The following SHQ1 variants were observed in gnomAD, a reference collection of about 807,000 sequenced individuals.
SHQ1 encodes SHQ1, H/ACA ribonucleoprotein assembly factor.
A neutral mutation model predicts 53.8 loss-of-function variants in SHQ1; 49 were observed. The ratio of observed to expected loss-of-function variants is 0.91; its 90% confidence interval spans 0.72 to 1.16. SHQ1 has a LOEUF of 1.16. Among genes scored for constraint, SHQ1 ranks in the 50% most tolerant of loss-of-function variants. SHQ1 has a pLI of 0.00. For missense variants in SHQ1, 738 were observed against 683.1 expected, an observed-to-expected ratio of 1.08 and a Z score of -0.90; for synonymous variants, 243 against 251.0, an observed-to-expected ratio of 0.97 and a Z score of 0.30.
intron 9 of SHQ1, among the ~76,000 whole-genome samples, chr3:72,797,446 T>C (rs1438259349): frequency 6.6e-6 from 1 of 152,166 alleles, no homozygotes; most frequent in African/African-American, 2.4e-5. Context: ...TTCAAAATTG[T>C]CCACAAGAAA....
At chr3:72,835,191 C>G (rs1707952352) in intron 4 of SHQ1, among the ~76,000 whole-genome samples, 1 of 151,460 alleles carries the variant, frequency 6.6e-6, no homozygotes, top group South Asian at 2.1e-4. Context: ...TGCAAAATAC[C>G]TTTTGCAACA....
chr3:72,804,626 G>C (rs1238318580), intron 9 of SHQ1, among the ~76,000 whole-genome samples: 1 of 152,214 alleles, frequency 6.6e-6, no homozygotes, highest in South Asian at 2.1e-4. Flanking sequence ...ACGGAGAATA[G>C]ATTTGATTCA....
the SHQ1 span, among the ~76,000 whole-genome samples, chr3:72,730,053 C>T: frequency 6.6e-6 from 1 of 152,038 alleles, no homozygotes; most frequent in Non-Finnish European, 1.5e-5. Flanking sequence ...CTCCTGACCT[C>T]GTGATCCGCC....
In SHQ1 at chr3:72,812,731, A is replaced by C; in HGVS notation, c.1000T>G (p.Tyr334Asp). The change falls in exon 9 of 11, where the codon TAT (tyrosine) becomes GAT (aspartate). Residue 334 changes from tyrosine (Y) to aspartate (D), a missense_variant. Physicochemically the swap from Tyr to Asp is radical, Grantham distance 160. Transcript: ENST00000325599. ...TTCATCACCAGCTTGAAATGGCGATAGAGTGGGTAACACAACACCCTTCTT... is the reference window on the plus strand; with the variant it reads ...TTCATCACCAGCTTGAAATGGCGATCGAGTGGGTAACACAACACCCTTCTT... The part of the protein sequence containing the change: ...FGRRVLCYPL[Y>D]RHFKLVMKAY... The C allele has an allele frequency of 6.2e-7, 1 of 1,614,108 alleles. No individual in the cohort carries two copies. The highest frequency in any genetic ancestry group is 8.5e-7 in the Non-Finnish European group (1 of 1,179,984).
At position 72,798,159 on chromosome 3, in the gene SHQ1, C is replaced by T. The variant is rs560882057; in HGVS notation, c.1061-5123G>A. Among the ~76,000 whole-genome samples the T allele has an allele frequency of 1.4e-4, 22 of 152,206 alleles. No individual in the cohort carries two copies. The South Asian group carries it at 3.3e-3, about 23-fold the overall frequency. ...CTCAAAGGCACTGCAGGAAAGTGAC[C>T]ATTTTTAGGCAGTTCACTGCCTGGT... On this transcript the variant is annotated intron_variant, in intron 9 of 10. Transcript: ENST00000325599.
chr3:72,823,148 C>CA lies in SHQ1; in HGVS notation c.727+1275dup, dbSNP rs772618429. Among the ~76,000 whole-genome samples, 391 of 75,846 alleles carry CA rather than the reference C, an allele frequency of 5.2e-3. 4 individuals are homozygous for CA. The highest frequency in any genetic ancestry group is 0.02 in the South Asian group (40 of 1,960). 49.8% of individuals were successfully genotyped at this position (75,846 alleles called of 152,430 possible). On this transcript the variant is annotated intron_variant, in intron 6 of 10. Transcript: ENST00000325599. Reference sequence around the variant, plus strand: ...TGGGCGACAGAGCAAGACTCCGTCTCAAAAAAAAAAAAAAAAAAAGAGTCA... The same window carrying CA: ...TGGGCGACAGAGCAAGACTCCGTCTCAAAAAAAAAAAAAAAAAAAAGAGTCA...
intron 10 of SHQ1, 94 bp from the exon 11 acceptor site, chr3:72,750,930 C>T (rs1031491412): frequency 2.8e-6 from 3 of 1,063,010 alleles, no homozygotes; most frequent in African/African-American, 1.6e-5. Flanking sequence ...AAGTTGAATC[C>T]ATATTTTAAA....
chr3:72,792,702 T>C (rs1294727430), intron 10 of SHQ1, among the ~76,000 whole-genome samples: 1 of 148,946 alleles, frequency 6.7e-6, no homozygotes, highest in Non-Finnish European at 1.5e-5. Flanking sequence ...CAAGAATCAC[T>C]TGAACTTGGG....
intron 9 of SHQ1, among the ~76,000 whole-genome samples, chr3:72,801,080 T>C (rs1220856297): frequency 6.6e-6 from 1 of 152,028 alleles, no homozygotes; most frequent in Non-Finnish European, 1.5e-5. Flanking sequence ...AATGGTAACA[T>C]GACTAATTTC....
intron 10 of SHQ1, among the ~76,000 whole-genome samples, chr3:72,762,501 T>C (rs1705632999): frequency 1.3e-5 from 2 of 152,370 alleles, no homozygotes; most frequent in Non-Finnish European, 2.9e-5. Flanking sequence ...TGCTGAAATG[T>C]GCTTCGCTGT....
In SHQ1 at chr3:72,841,112, C is replaced by A. The variant is rs17855677; in HGVS notation, c.419G>T (p.Ser140Ile). The change falls in exon 4 of 11, where the codon AGT (serine) becomes ATT (isoleucine). Residue 140 changes from serine (S) to isoleucine (I), a missense_variant. Physicochemically the swap from Ser to Ile is moderately radical, Grantham distance 142. Coordinates refer to ENST00000325599, the MANE Select transcript of SHQ1 (RefSeq NM_018130.3). ...EQTPCEEVSESALNPQCHYGF... is the reference protein window; with the variant it reads ...EQTPCEEVSEIALNPQCHYGF... ...ATAGTGGCACTGCGGATTCAAAGCA[C>A]TTTCTGATACCTCTTCACAGGGTGT... 1.2e-6 allele frequency: 2 copies of A among 1,614,112 alleles called. No individual in the cohort carries two copies.
intron 10 of SHQ1, among the ~76,000 whole-genome samples, chr3:72,763,555 T>A (rs1165246129): frequency 6.6e-6 from 1 of 152,212 alleles, no homozygotes; most frequent in African/African-American, 2.4e-5. Context: ...TCACCTGTTT[T>A]GGAAACAGGG....
intron 5 of SHQ1, 24 bp downstream of exon 5, chr3:72,832,345 A>G: frequency 1.3e-6 from 2 of 1,514,486 alleles, no homozygotes; most frequent in Non-Finnish European, 1.8e-6. Context: ...AAATTATTTA[A>G]TCCTCAAAAA....
At chr3:72,738,273 T>G in the SHQ1 span, among the ~76,000 whole-genome samples, 4 of 152,144 alleles carry the variant, frequency 2.6e-5, no homozygotes, top group Non-Finnish European at 5.9e-5. Flanking sequence ...ATCACTTGCC[T>G]GCCCCTGCTG....
chr3:72,773,151 A>C, intron 10 of SHQ1: 1 of 750,242 alleles, frequency 1.3e-6, no homozygotes, highest in East Asian at 2.5e-5. Context: ...ATGAGTTGGA[A>C]TTTTGGAAAA....
At chr3:72,735,298 C>T in the SHQ1 span, among the ~76,000 whole-genome samples, 123 of 150,042 alleles carry the variant, frequency 8.2e-4, no homozygotes, top group South Asian at 3.4e-3. Flanking sequence ...GCGGTTCTTC[C>T]GCTGGCCTCT....
At chr3:72,758,569 T>TTC (rs1369829597) in intron 10 of SHQ1, among the ~76,000 whole-genome samples, 4 of 140,184 alleles carry the variant, frequency 2.9e-5, no homozygotes, top group African/African-American at 7.9e-5. Context: ...TATTTTTTCT[T>TTC]TTTTTTTTTT....
chr3:72,817,557 T>G (rs1024484516), intron 6 of SHQ1, among the ~76,000 whole-genome samples, 173 bp from the exon 7 acceptor site: 1 of 152,374 alleles, frequency 6.6e-6, no homozygotes, highest in Non-Finnish European at 1.5e-5. Context: ...GTAAGAGCTA[T>G]GAGTCTGCTC....
At chr3:72,835,284 G>C (rs1217614101) in intron 4 of SHQ1, among the ~76,000 whole-genome samples, 2 of 151,892 alleles carry the variant, frequency 1.3e-5, no homozygotes, top group Non-Finnish European at 2.9e-5. Context: ...CTGTTGTGAG[G>C]ATTAAATGAG....
Sources: gnomAD v4.1 joint callset for allele counts (sites outside exome capture counted in the v4.1 genomes callset) on GRCh38, gnomAD v4.1.1 for gene constraint, MANE v1.5 for transcripts, NCBI Gene and HGNC (gene_info 2026-07-23, HGNC 2026-07-21) for gene names.